MRPL33: variants seen among roughly 807,000 people sequenced by gnomAD.
MRPL33 encodes mitochondrial ribosomal protein L33, also known as large ribosomal subunit protein bL33m.
Under a neutral mutation model 10.1 loss-of-function variants are expected in MRPL33, and 5 were observed. That is an observed-to-expected ratio of 0.49 (90% CI 0.26 to 1.04). The LOEUF (loss-of-function observed/expected upper bound fraction) is 1.04, where lower values mean the gene tolerates loss of function less well. MRPL33 is among the 50% of genes least tolerant of loss of function. The pLI is 0.14. For missense variants in MRPL33, 79 were observed against 78.1 expected (o/e 1.01, Z -0.04); for synonymous variants, 24 against 27.7 (o/e 0.87, Z 0.42).
At chr2:27,776,358 C>T (rs1171531893) in intron 3 of MRPL33, among the ~76,000 whole-genome samples, 1 of 152,252 alleles carries the variant, frequency 6.6e-6, no homozygotes, top group African/African-American at 2.4e-5. Flanking sequence ...GCCCCCATTG[C>T]CCAGGGTACC....
intron 3 of MRPL33, among the ~76,000 whole-genome samples, chr2:27,777,781 C>T (rs1573025164): frequency 6.6e-6 from 1 of 152,138 alleles, no homozygotes; most frequent in African/African-American, 2.4e-5. Flanking sequence ...CTCTACTAAC[C>T]TTAATCAGTT....
At chr2:27,777,371 CTTTTTT>C (rs11337446) in intron 3 of MRPL33, among the ~76,000 whole-genome samples, 1 of 125,610 alleles carries the variant, frequency 8.0e-6, no homozygotes, top group Admixed American at 8.2e-5. Flanking sequence ...TAATCTAAAA[CTTTTTT>C]TTTTTTTTTT....
At chr2:27,776,619 G>T (rs1174830289) in intron 3 of MRPL33, among the ~76,000 whole-genome samples, 1 of 152,220 alleles carries the variant, frequency 6.6e-6, no homozygotes, top group African/African-American at 2.4e-5. Context: ...GCTGAGGCAT[G>T]AGCTTATTAA....
chr2:27,772,053 C>G (rs1382111094), intron 1 of MRPL33: 1 of 469,636 alleles, frequency 2.1e-6, no homozygotes, highest in South Asian at 3.8e-5. Flanking sequence ...TTGAGTCTGG[C>G]TGTGGGGCGT....
intron 3 of MRPL33, among the ~76,000 whole-genome samples, chr2:27,776,732 A>G (rs1558528541): frequency 2.6e-5 from 4 of 152,384 alleles, no homozygotes; most frequent in Admixed American, 2.6e-4. Context: ...TAATTGAAGC[A>G]GAATCGATTT....
chr2:27,774,667 A>G (rs1286071372), intron 3 of MRPL33, 137 bp downstream of exon 3: 1 of 666,892 alleles, frequency 1.5e-6, no homozygotes, highest in East Asian at 2.8e-5. Context: ...GATTGTTATG[A>G]TGCTATTTAA....
intron 3 of MRPL33, among the ~76,000 whole-genome samples, chr2:27,775,420 C>T (rs1040881482): frequency 1.5e-5 from 2 of 131,034 alleles, no homozygotes; most frequent in African/African-American, 2.9e-5. Context: ...GGTACAATTT[C>T]GGCTCACTGC....
intron 3 of MRPL33, among the ~76,000 whole-genome samples, chr2:27,778,735 G>A (rs142884986): frequency 1.5e-3 from 233 of 152,196 alleles, no homozygotes; most frequent in Non-Finnish European, 2.7e-3. Flanking sequence ...TGTATTTCTA[G>A]TGGAGATGGG....
At chr2:27,778,844 G>A (rs1011747190) in intron 3 of MRPL33, among the ~76,000 whole-genome samples, 6 of 152,192 alleles carry the variant, frequency 3.9e-5, no homozygotes, top group Admixed American at 1.3e-4. Context: ...GTGAGTCACT[G>A]CGCCCAGCTA....
At chr2:27,773,397 G>A (rs78994927) in intron 2 of MRPL33, among the ~76,000 whole-genome samples, 3,676 of 152,300 alleles carry the variant, frequency 0.024, 87 homozygotes, top group Non-Finnish European at 0.039. Flanking sequence ...AGTGATTCAC[G>A]TAGCTTTCGC....
At chr2:27,778,907 C>T (rs1003467949) in intron 3 of MRPL33, among the ~76,000 whole-genome samples, 1 of 152,122 alleles carries the variant, frequency 6.6e-6, no homozygotes, top group African/African-American at 2.4e-5. Flanking sequence ...GAACTGTACT[C>T]TAATATTTAC....
At chr2:27,779,256 C>T (rs906097784) in intron 3 of MRPL33, among the ~76,000 whole-genome samples, 177 bp from the exon 4 acceptor site, 1 of 152,194 alleles carries the variant, frequency 6.6e-6, no homozygotes, top group Non-Finnish European at 1.5e-5. Context: ...CCATTTTCTC[C>T]AGTCTGCCCT....
Position 27,774,410 on chromosome 2 carries a change from C to T in MRPL33, c.42-14C>T. On this transcript the variant is annotated splice_polypyrimidine_tract_variant and intron_variant, in intron 2 of 3. Coordinates refer to ENST00000296102, the MANE Select transcript of MRPL33 (RefSeq NM_004891.4). The stretch of plus-strand genomic sequence containing the variant: ...TCGTCAGCTCGTACATAACAGCGTA[C>T]TTTTTAATCTTAGAAACATTCTGGT... The T allele has an allele frequency of 6.2e-7, 1 of 1,609,724 alleles. No individual in the cohort carries two copies. The highest frequency in any genetic ancestry group is 8.5e-7 in the Non-Finnish European group (1 of 1,176,132).
intron 2 of MRPL33, 78 bp from the exon 3 acceptor site, chr2:27,774,346 C>T: frequency 8.5e-7 from 1 of 1,181,510 alleles, no homozygotes. Flanking sequence ...ACAGAGTTCT[C>T]AAAATGTGCC....
Position 27,774,532 on chromosome 2 carries a change from T to A in MRPL33, c.148+2T>A. On this transcript the variant is annotated splice_donor_variant, in intron 3 of 3. Transcript: ENST00000296102. LOFTEE classifies it high-confidence loss of function. Reference sequence around the variant, plus strand: ...CTCTTTTGCATTATGATCCAGTTGGTAAGATCTGGGGAGGTTAATGCTTCC... The same window carrying A: ...CTCTTTTGCATTATGATCCAGTTGGAAAGATCTGGGGAGGTTAATGCTTCC... The A allele has an allele frequency of 6.2e-7, 1 of 1,613,154 alleles. No individual in the cohort carries two copies. The highest frequency in any genetic ancestry group is 8.5e-7 in the Non-Finnish European group (1 of 1,179,106).
intron 2 of MRPL33, among the ~76,000 whole-genome samples, chr2:27,773,041 G>A (rs1286701054): frequency 1.3e-5 from 2 of 152,168 alleles, no homozygotes; most frequent in Non-Finnish European, 2.9e-5. Flanking sequence ...AGGACCAGGG[G>A]CCATGTGTCT....
At chr2:27,779,152 C>A (rs773953699) in intron 3 of MRPL33, among the ~76,000 whole-genome samples, 4 of 151,908 alleles carry the variant, frequency 2.6e-5, no homozygotes, top group Non-Finnish European at 5.9e-5. Context: ...CATTTTTGTC[C>A]CTAGTTTTCT....
intron 3 of MRPL33, among the ~76,000 whole-genome samples, chr2:27,775,497 G>A (rs1033861379): frequency 2.6e-5 from 4 of 151,732 alleles, no homozygotes; most frequent in Non-Finnish European, 4.4e-5. Flanking sequence ...GACTACAGGT[G>A]TGTGCCACCA....
intron 3 of MRPL33, among the ~76,000 whole-genome samples, chr2:27,776,526 A>C (rs1194807482): frequency 6.6e-6 from 1 of 152,286 alleles, no homozygotes; most frequent in Non-Finnish European, 1.5e-5. Flanking sequence ...CTGTGGCAAG[A>C]AGCAGCTGCA....
Sources: allele counts gnomAD v4.1 joint callset (sites outside exome capture counted in the v4.1 genomes callset), GRCh38; gene constraint gnomAD v4.1.1; transcripts MANE v1.5; gene names NCBI Gene and HGNC (gene_info 2026-07-23, HGNC 2026-07-21).